The following IAH1 variants were observed in gnomAD, a reference collection of about 807,000 sequenced individuals.
IAH1 encodes isoamyl acetate hydrolyzing esterase 1 (putative).
A neutral mutation model predicts 26.7 loss-of-function variants in IAH1; 24 were observed. That is an observed-to-expected ratio of 0.90 (90% CI 0.65 to 1.26). The LOEUF (loss-of-function observed/expected upper bound fraction) is 1.26. IAH1 is among the 50% of genes most tolerant of loss of function. IAH1 has a pLI of 0.00. For missense variants in IAH1, 300 were observed against 299.9 expected, an observed-to-expected ratio of 1.00 and a Z score of 0.00; for synonymous variants, 140 against 118.5, an observed-to-expected ratio of 1.18 and a Z score of -1.18.
intron 4 of IAH1, among the ~76,000 whole-genome samples, chr2:9,483,745 G>T (rs1359664550): frequency 2.0e-5 from 3 of 152,122 alleles, no homozygotes; most frequent in African/African-American, 7.2e-5. Context: ...AGCTCCCTGG[G>T]AGGATGAGGC....
In IAH1 at chr2:9,482,898, G is replaced by A. The variant is rs141121874; in HGVS notation, c.445+1451G>A. ...CTATTGCTGTGCATGAGACACCAGA[G>A]TGTTCTGCAGGGAAGGGGAGGTGTT... On this transcript the variant is annotated intron_variant, in intron 4 of 5. Transcript: ENST00000497473. Among the ~76,000 whole-genome samples, 510 of 152,340 alleles carry A rather than the reference G, an allele frequency of 3.3e-3. 1 individual carries two copies. The highest frequency in any genetic ancestry group is 0.012 in the African/African-American group (485 of 41,584).
chr2:9,500,937 A>T (rs1662961370), downstream of IAH1, among the ~76,000 whole-genome samples: 1 of 152,240 alleles, frequency 6.6e-6, no homozygotes, highest in African/African-American at 2.4e-5. Flanking sequence ...AGCTGTGGAA[A>T]ATATCTTTTT....
chr2:9,484,601 A>T (rs1661371474), intron 5 of IAH1, 51 bp downstream of exon 5: 1 of 1,229,382 alleles, frequency 8.1e-7, no homozygotes, highest in African/African-American at 1.5e-5. Context: ...ACACAGAAGT[A>T]AACCAGGTGT....
the IAH1 span, among the ~76,000 whole-genome samples, chr2:9,504,586 G>C: frequency 2.0e-5 from 3 of 152,014 alleles, no homozygotes; most frequent in East Asian, 5.8e-4. Flanking sequence ...CCACCGTAGT[G>C]AAACCTCGTC....
At chr2:9,475,306 C>A in intron 1 of IAH1, 1 of 778,878 alleles carries the variant, frequency 1.3e-6, no homozygotes, top group Non-Finnish European at 1.9e-6. Flanking sequence ...TTTGTGTATA[C>A]GCCAGTAACT....
intron 6 of IAH1, chr2:9,494,984 A>G: frequency 2.4e-6 from 1 of 419,140 alleles, no homozygotes; most frequent in Non-Finnish European, 4.2e-6. Flanking sequence ...TTAAAAAAAA[A>G]TGCAGAGAAA....
In IAH1 at chr2:9,474,912, C is replaced by T; in HGVS notation, c.81+265C>T. The T allele has an allele frequency of 4.2e-6, 3 of 706,208 alleles. No individual in the cohort carries two copies. Among genetic ancestry groups the T allele is most frequent in the East Asian group, 6.0e-5 (1 of 16,542 alleles). 43.7% of individuals were successfully genotyped at this position (706,208 alleles called of 1,614,324 possible). ...GGGGACCCGGCCGCGCTGCCCGCCC[C>T]GCGCCGCCTCCCACCCGGGTCGAGA... is the stretch of plus-strand genomic sequence containing the variant. On this transcript the variant is annotated intron_variant, in intron 1 of 5. Coordinates refer to ENST00000497473, the MANE Select transcript of IAH1 (RefSeq NM_001039613.3). This position sits in a 1 kb window ranked among gnomAD's most constrained non-coding sequence, Gnocchi z 4.3.
At chr2:9,481,554 G>A (rs2276337) in intron 4 of IAH1, 107 bp downstream of exon 4, 527,190 of 972,930 alleles carry the variant, frequency 0.54, 150,559 homozygotes, top group Middle Eastern at 0.65. Flanking sequence ...TTAGGGGCTC[G>A]GTATGTCCAT....
chr2:9,497,296 C>T, downstream of IAH1: 2 of 1,608,726 alleles, frequency 1.2e-6, no homozygotes, highest in Non-Finnish European at 1.7e-6. Flanking sequence ...CACAGGTCCA[C>T]CAGTTCTACA....
rs762377321 is a variant in IAH1 at position 9,474,623 on chromosome 2, G to A, written c.57G>A (p.Leu19=). 6.4e-7 allele frequency: 1 copy of A among 1,554,960 alleles called. No individual in the cohort carries two copies. The highest frequency in any genetic ancestry group is 8.7e-7 in the Non-Finnish European group (1 of 1,154,508). ...GTGCCCTGCTCTGGCCTCGCTTGTTGCTCTTCGGGGACTCCATCACCCAGG... is the reference window on the plus strand; with the variant it reads ...GTGCCCTGCTCTGGCCTCGCTTGTTACTCTTCGGGGACTCCATCACCCAGG... ...CGSALLWPRL[L]LFGDSITQFS... is the part of the protein sequence containing the mutation. Residue 19 remains leucine, a synonymous_variant, in exon 1 of 6, where the codon TTG becomes TTA. Coordinates refer to ENST00000497473, the MANE Select transcript of IAH1 (RefSeq NM_001039613.3). The surrounding 1 kb of genome is among the most constrained non-coding windows in gnomAD (Gnocchi z 4.3).
At chr2:9,492,542 G>A (rs5014538), downstream of IAH1, among the ~76,000 whole-genome samples, 9,682 of 152,214 alleles carry the variant, frequency 0.064, 1,091 homozygotes, top group African/African-American at 0.22. Context: ...AAATGCCGAT[G>A]TTTGATATTT....
chr2:9,487,831 T>TGTGTGTGTGTGTGC (rs1661661421), intron 5 of IAH1, among the ~76,000 whole-genome samples: 1 of 80,172 alleles, frequency 1.2e-5, no homozygotes, highest in African/African-American at 4.7e-5. Flanking sequence ...TGTGTGTGTG[T>TGTGTGTGTGTGTGC]GTGCGCGCGC....
downstream of IAH1, chr2:9,490,610 T>TA: frequency 1.5e-6 from 2 of 1,313,354 alleles, no homozygotes; most frequent in Non-Finnish European, 2.1e-6. Context: ...CAGCCTCTTA[T>TA]TCTGTTGGCA....
At chr2:9,504,920 G>A in the IAH1 span, among the ~76,000 whole-genome samples, 1 of 152,056 alleles carries the variant, frequency 6.6e-6, no homozygotes, top group African/African-American at 2.4e-5. Flanking sequence ...GTCTCACTAT[G>A]TTGCCCAGGC....
chr2:9,496,773 T>A (rs1232668019), downstream of IAH1, among the ~76,000 whole-genome samples: 1 of 152,156 alleles, frequency 6.6e-6, no homozygotes, highest in African/African-American at 2.4e-5. Flanking sequence ...ACTGCTGCTT[T>A]TGTGGTTTGT....
At chr2:9,497,250 TG>T (rs774823867), downstream of IAH1, 1 of 1,613,896 alleles carries the variant, frequency 6.2e-7, no homozygotes, top group Admixed American at 1.7e-5. Context: ...TGCTATTACC[TG>T]GAAGCAAACA....
chr2:9,482,006 T>C (rs542489183), intron 4 of IAH1, among the ~76,000 whole-genome samples: 3 of 151,410 alleles, frequency 2.0e-5, no homozygotes, highest in African/African-American at 4.9e-5. Flanking sequence ...TATGTTAATG[T>C]TGAAAATGTG....
chr2:9,508,734 C>T, the IAH1 span, among the ~76,000 whole-genome samples: 1 of 152,140 alleles, frequency 6.6e-6, no homozygotes, highest in Non-Finnish European at 1.5e-5. Context: ...AAAACATCCC[C>T]CGCCCCGCAG....
rs769031623 is a variant in IAH1, at chr2:9,481,349, A to G, written c.347A>G (p.Gln116Arg). The change falls in exon 4 of 6, where the codon CAG (glutamine) becomes CGG (arginine). Residue 116 changes from glutamine to arginine, a missense_variant. Transcript: ENST00000497473. ...EYAANLKSMV[Q>R]YLKSVDIPEN... ...GCTGCGAACCTAAAGAGCATGGTGC[A>G]GTACCTGAAGTCCGTGGACATCCCT... 29 of 1,614,238 alleles carry G rather than the reference A, an allele frequency of 1.8e-5. No individual in the cohort carries two copies. The highest frequency in any genetic ancestry group is 2.5e-5 in the Non-Finnish European group (29 of 1,180,040).
Sources: gnomAD v4.1 joint callset for allele counts (sites outside exome capture counted in the v4.1 genomes callset) on GRCh38, gnomAD v4.1.1 for gene constraint, Gnocchi (gnomAD v3.1) non-coding constraint, MANE v1.5 for transcripts, NCBI Gene and HGNC (gene_info 2026-07-23, HGNC 2026-07-21) for gene names.